MAK: variants seen among roughly 807,000 people sequenced by gnomAD.
The protein encoded by MAK is male germ cell associated kinase, also known as serine/threonine-protein kinase MAK.
MAK carries 65 observed loss-of-function variants against 82.6 expected under a neutral mutation model. That is an observed-to-expected ratio of 0.79 (90% CI 0.64 to 0.97). The LOEUF is 0.97. MAK is among the 50% of genes least tolerant of loss of function. The pLI, the probability that MAK is intolerant of heterozygous loss-of-function variation, is 0.00. For synonymous variants in MAK, 250 were observed against 274.2 expected, an observed-to-expected ratio of 0.91 and a Z score of 0.87; for missense variants, 703 against 780.2, an observed-to-expected ratio of 0.90 and a Z score of 1.18.
chr6:10,780,276 G>A, intron 11 of MAK: 7 of 981,892 alleles, frequency 7.1e-6, no homozygotes, highest in Non-Finnish European at 8.5e-6. Context: ...TAGTTAAAAA[G>A]GAAATGATCA....
Position 10,817,974 on chromosome 6 carries a change from G to GA in MAK, c.157-4dup. ...GCATGATTAAGTTTCTTCAGAGACTGAAAAATAACAAATATGCCTTAAAAT... is the reference window on the plus strand; with the variant it reads ...GCATGATTAAGTTTCTTCAGAGACTGAAAAAATAACAAATATGCCTTAAAAT... On this transcript the variant is annotated splice_polypyrimidine_tract_variant and splice_region_variant and intron_variant, in intron 3 of 14. Coordinates refer to ENST00000354489, the MANE Select transcript of MAK (RefSeq NM_001242957.3). 7.0e-7 allele frequency: 1 copy of GA among 1,433,788 alleles called. No homozygotes were observed. Among genetic ancestry groups the GA allele is most frequent in the Non-Finnish European group, 9.6e-7 (1 of 1,043,812 alleles). The allele number at this position is 1,433,788 out of a possible 1,614,324, so 88.8% of individuals were successfully genotyped here.
intron 9 of MAK, among the ~76,000 whole-genome samples, chr6:10,795,684 C>G (rs1347036607): frequency 6.6e-6 from 1 of 152,098 alleles, no homozygotes; most frequent in Non-Finnish European, 1.5e-5. Flanking sequence ...TCAGAGATTG[C>G]AGTGAGCTAA....
rs977984479 is a variant in MAK at position 10,763,156 on chromosome 6, T to C, written c.*1296A>G. The C allele has an allele frequency of 6.6e-6, 1 of 152,634 alleles. No homozygotes were observed. Among genetic ancestry groups the C allele is most frequent in the African/African-American group, 2.4e-5 (1 of 41,448 alleles). 9.5% of individuals were successfully genotyped at this position (152,634 alleles called of 1,614,324 possible). A position where few individuals can be genotyped will look rare whatever the true frequency, so the allele number is the denominator to read the frequency against. ...GGAAATAAACTAAGGAAATAATATATGTACTATGTGATATCACTGCCCCAG... is the reference window on the plus strand; with the variant it reads ...GGAAATAAACTAAGGAAATAATATACGTACTATGTGATATCACTGCCCCAG... On this transcript the variant is annotated 3_prime_UTR_variant, in exon 15 of 15. Transcript: ENST00000354489.
At chr6:10,810,117 A>G (rs1333621936) in intron 5 of MAK, among the ~76,000 whole-genome samples, 27 of 22,362 alleles carry the variant, frequency 1.2e-3, no homozygotes, top group Admixed American at 9.2e-3. Flanking sequence ...AAAAAAAAAG[A>G]AAGAAAAGAA....
Position 10,764,660 on chromosome 6 carries a change from CAAAAT to C in MAK, c.1793-59_1793-55del, listed in dbSNP as rs1478691766. ...GTTTTACTCATTTGCTTATCAAACT[CAAAAT>C]AAAGAAATTCATCCTCTCATTTGAT... On this transcript the variant is annotated intron_variant, in intron 14 of 14. Transcript: ENST00000354489. 43 of 1,496,462 alleles carry C rather than the reference CAAAAT, an allele frequency of 2.9e-5. 1 individual carries two copies. The highest frequency in any genetic ancestry group is 3.4e-4 in the Middle Eastern group (2 of 5,832). The allele number at this position is 1,496,462 out of a possible 1,614,324, so 92.7% of individuals were successfully genotyped here.
chr6:10,788,722 C>T (rs529143005), intron 10 of MAK, among the ~76,000 whole-genome samples: 20 of 152,022 alleles, frequency 1.3e-4, no homozygotes, highest in Admixed American at 2.0e-4. Context: ...GGCAATGAAG[C>T]GACATTCCGT....
Position 10,767,830 on chromosome 6 carries a change from AG to A in MAK, c.1792+2280del, listed in dbSNP as rs1772607943. Among the ~76,000 whole-genome samples the A allele has an allele frequency of 1.3e-4, 20 of 151,728 alleles. 1 individual carries two copies. The highest frequency in any genetic ancestry group is 1.2e-3 in the Admixed American group (18 of 15,194). On this transcript the variant is annotated intron_variant, in intron 14 of 14. Transcript: ENST00000354489. ...AAAAAAACAAAAACAAAAATCTTGAAGGGGAGAAAGAAGAGCAAAGACGAGA... is the reference window on the plus strand; with the variant it reads ...AAAAAAACAAAAACAAAAATCTTGAAGGGAGAAAGAAGAGCAAAGACGAGA...
Position 10,793,727 on chromosome 6 carries a change from G to A in MAK, c.1144-1880C>T, listed in dbSNP as rs917136248. On this transcript the variant is annotated intron_variant, in intron 9 of 14. Coordinates refer to ENST00000354489, the MANE Select transcript of MAK (RefSeq NM_001242957.3). The surrounding 1 kb of genome is among the most constrained non-coding windows in gnomAD (Gnocchi z 4.6). ...CTTTAACTTAGAGAATGCACACAGC[G>A]TCCCTCGCATATGCATGGCACTTGG... Among the ~76,000 whole-genome samples the A allele has an allele frequency of 4.6e-5, 7 of 152,176 alleles. No homozygotes were observed. Among genetic ancestry groups the A allele is most frequent in the Admixed American group, 6.5e-5 (1 of 15,282 alleles).
intron 1 of MAK, among the ~76,000 whole-genome samples, chr6:10,835,050 C>T (rs891767959): frequency 1.3e-5 from 2 of 152,316 alleles, no homozygotes; most frequent in Non-Finnish European, 2.9e-5. Context: ...AACATGGTCG[C>T]ACCGCTCCCC....
intron 2 of MAK, among the ~76,000 whole-genome samples, chr6:10,819,467 T>C (rs1306680316): frequency 6.6e-6 from 1 of 152,054 alleles, no homozygotes. Context: ...CCGTCTCTAC[T>C]AAAAATACAA....
chr6:10,822,146 CAAAAAA>C (rs751345869), intron 2 of MAK, among the ~76,000 whole-genome samples: 1 of 36,572 alleles, frequency 2.7e-5, no homozygotes, highest in African/African-American at 1.0e-4. Flanking sequence ...GACTCCGTCT[CAAAAAA>C]AAAAAAAAAA....
chr6:10,837,141 ATAT>A (rs1343810914), intron 1 of MAK, among the ~76,000 whole-genome samples: 1 of 152,348 alleles, frequency 6.6e-6, no homozygotes, highest in South Asian at 2.1e-4. Context: ...TTTCTAGAAC[ATAT>A]TATGTCACTC....
intron 3 of MAK, 94 bp from the exon 4 acceptor site, chr6:10,818,065 G>T: frequency 3.0e-6 from 2 of 661,976 alleles, no homozygotes; most frequent in Non-Finnish European, 5.0e-6. Context: ...ATTACCTTAT[G>T]TAATTTTCCA....
intron 2 of MAK, among the ~76,000 whole-genome samples, chr6:10,825,220 C>T (rs901783599): frequency 1.3e-5 from 2 of 152,158 alleles, no homozygotes; most frequent in Non-Finnish European, 2.9e-5. Flanking sequence ...CAATGCTAAC[C>T]GCTCAGCATG....
Position 10,800,334 on chromosome 6 carries a change from T to C in MAK, c.831+1558A>G, listed in dbSNP as rs1346139777. On this transcript the variant is annotated intron_variant, in intron 8 of 14. Transcript: ENST00000354489. The surrounding 1 kb of genome is among the most constrained non-coding windows in gnomAD (Gnocchi z 4.2). ...TTCTGTAGGAGTATTATATTAAGAA[T>C]TAAAAATAATTTTCTCTGTCTTATC... Among the ~76,000 whole-genome samples, 1 of 152,156 alleles carries C rather than the reference T, an allele frequency of 6.6e-6. No individual in the cohort carries two copies. The highest frequency in any genetic ancestry group is 1.5e-5 in the Non-Finnish European group (1 of 68,026).
At chr6:10,791,537 G>T in intron 10 of MAK, 138 bp downstream of exon 10, 1 of 750,580 alleles carries the variant, frequency 1.3e-6, no homozygotes, top group Non-Finnish European at 2.2e-6. Flanking sequence ...AAAGTGCTGG[G>T]ATTACAGGCC....
intron 5 of MAK, 146 bp from the exon 6 acceptor site, chr6:10,809,088 C>T (rs556227167): frequency 1.3e-6 from 1 of 794,284 alleles, no homozygotes; most frequent in African/African-American, 1.7e-5. Context: ...TATTTATTGT[C>T]TAAGAAGTAA....
At chr6:10,831,654 G>A (rs990396091) in intron 1 of MAK, among the ~76,000 whole-genome samples, 5 of 152,236 alleles carry the variant, frequency 3.3e-5, no homozygotes, top group South Asian at 4.1e-4. Context: ...GCTGAGGCAC[G>A]AGGATTGCTT....
intron 11 of MAK, among the ~76,000 whole-genome samples, chr6:10,782,229 CACACACACACACACACACACAG>C (rs1292078793): frequency 1.2e-4 from 17 of 146,208 alleles, no homozygotes; most frequent in African/African-American, 3.8e-4. Flanking sequence ...CACACACACA[CACACACACACACACACACACAG>C]ACACACACCA....
Sources: allele counts gnomAD v4.1 joint callset (sites outside exome capture counted in the v4.1 genomes callset), GRCh38; gene constraint gnomAD v4.1.1; non-coding constraint Gnocchi (gnomAD v3.1); transcripts MANE v1.5; gene names NCBI Gene and HGNC (gene_info 2026-07-23, HGNC 2026-07-21).